Variants in HERC1 observed in about 807,000 individuals in gnomAD.
The protein encoded by HERC1 is HECT and RLD domain containing E3 ubiquitin protein ligase family member 1, also known as probable E3 ubiquitin-protein ligase HERC1.
HERC1 carries 160 observed loss-of-function variants against 554.3 expected under a neutral mutation model. That is an observed-to-expected ratio of 0.29 (90% CI 0.25 to 0.33). The LOEUF is 0.33. HERC1 is among the 10% of genes least tolerant of loss of function. The pLI, the probability that HERC1 is intolerant of heterozygous loss-of-function variation, is 1.00. For synonymous variants in HERC1, 2,175 were observed against 2,131.7 expected (o/e 1.02, Z -0.56); for missense variants, 4,919 against 5,918.5 (o/e 0.83, Z 5.54).
Position 63,694,866 on chromosome 15 carries a change from A to T in HERC1, c.5150T>A (p.Ile1717Asn). 6.2e-7 allele frequency: 1 copy of T among 1,613,796 alleles called. No homozygotes were observed. Among genetic ancestry groups the T allele is most frequent in the Non-Finnish European group, 8.5e-7 (1 of 1,179,754 alleles). The change falls in exon 28 of 78, where the codon ATT becomes AAT. Residue 1717 changes from isoleucine to asparagine, a missense_variant. By Grantham distance (149) the Ile-to-Asn change is moderately radical. Around this residue, in one of 11 missense-constraint regions of HERC1, gnomAD observed 1,121 missense variants for 1,244.0 expected, o/e 0.90. Transcript: ENST00000443617. This position sits in a 1 kb window ranked among gnomAD's most constrained non-coding sequence, Gnocchi z 4.3. ...CACAGCTACCTGGATTTCAATCTGA[A>T]TATTTCTCTTAGCTGCTCTGATCCC... ...QDGIRAAKRN[I>N]QIEIQVAVHK...
chr15:63,625,165 T>G (rs1434207671), intron 71 of HERC1, among the ~76,000 whole-genome samples: 1 of 152,190 alleles, frequency 6.6e-6, no homozygotes, highest in South Asian at 2.1e-4. Flanking sequence ...CTAGCCACTT[T>G]GTTACTGGAC....
intron 12 of HERC1, among the ~76,000 whole-genome samples, chr15:63,746,418 T>C (rs2075057291): frequency 6.6e-6 from 1 of 152,190 alleles, no homozygotes; most frequent in Non-Finnish European, 1.5e-5. Flanking sequence ...AACATTGTAT[T>C]ATAATACTAA....
intron 12 of HERC1, among the ~76,000 whole-genome samples, chr15:63,740,603 G>T (rs950356008): frequency 6.6e-6 from 1 of 152,166 alleles, no homozygotes; most frequent in Non-Finnish European, 1.5e-5. Flanking sequence ...CAGCCTTTTT[G>T]ATTACTGTCA....
intron 11 of HERC1, among the ~76,000 whole-genome samples, chr15:63,747,328 C>T (rs963885748): frequency 1.1e-4 from 17 of 152,040 alleles, no homozygotes; most frequent in African/African-American, 3.9e-4. Context: ...GGCATGATGG[C>T]GGGTGCCTGT....
intron 50 of HERC1, 25 bp from the exon 51 acceptor site, chr15:63,654,349 G>A (rs1164920681): frequency 1.9e-6 from 3 of 1,576,140 alleles, no homozygotes; most frequent in East Asian, 4.5e-5. Context: ...TCATAGGAAG[G>A]ATGGGCATAC....
chr15:63,731,428 T>C (rs2074286930), intron 14 of HERC1, among the ~76,000 whole-genome samples: 1 of 152,222 alleles, frequency 6.6e-6, no homozygotes, highest in African/African-American at 2.4e-5. Context: ...CCATATAATA[T>C]ATAAATCTGC....
chr15:63,678,508 A>G (rs994278238), intron 36 of HERC1, 143 bp from the exon 37 acceptor site: 5 of 971,008 alleles, frequency 5.1e-6, no homozygotes, highest in Non-Finnish European at 7.3e-6. Context: ...GCCCCCAAAG[A>G]GTAAGGAAAT....
intron 1 of HERC1, among the ~76,000 whole-genome samples, chr15:63,821,726 C>CAAAAAAAAAAAAAAAAA (rs35074987): frequency 1.1e-4 from 7 of 62,470 alleles, no homozygotes; most frequent in East Asian, 6.4e-4. Context: ...TACCCTGTCT[C>CAAAAAAAAAAAAAAAAA]AAAAAAAAAA....
chr15:63,654,461 T>C (rs929782659), intron 50 of HERC1, 137 bp from the exon 51 acceptor site: 10 of 622,908 alleles, frequency 1.6e-5, no homozygotes, highest in South Asian at 7.9e-5. Context: ...CTTTTAAGAA[T>C]TGGCACTTTT....
chr15:63,684,836 T>A (rs766527881), intron 34 of HERC1, among the ~76,000 whole-genome samples: 7 of 152,016 alleles, frequency 4.6e-5, no homozygotes, highest in Non-Finnish European at 8.8e-5. Flanking sequence ...GGCAAAACCC[T>A]ATCTCTACTA....
chr15:63,805,957 AAAAC>A (rs2077125176), intron 1 of HERC1, among the ~76,000 whole-genome samples: 1 of 151,722 alleles, frequency 6.6e-6, no homozygotes, highest in African/African-American at 2.4e-5. Flanking sequence ...CAAAAAAAAA[AAAAC>A]AAACAAAACC....
intron 60 of HERC1, among the ~76,000 whole-genome samples, chr15:63,641,067 A>G (rs561333214): frequency 2.8e-4 from 42 of 152,312 alleles, no homozygotes; most frequent in African/African-American, 4.8e-4. Context: ...GATTTATCTA[A>G]TAAGTGGAGA....
chr15:63,678,196 C>T lies in HERC1; in HGVS notation c.6719G>A (p.Arg2240Lys). 2 of 1,613,870 alleles carry T rather than the reference C, an allele frequency of 1.2e-6. No individual in the cohort carries two copies. The highest frequency in any genetic ancestry group is 1.7e-6 in the Non-Finnish European group (2 of 1,179,862). ...AATACATATCTTAATTTTGTGAAGC[C>T]TTTCCATCATTTTTTTGTTAATGCA... Reference protein sequence around the residue: ...TYCINKKMMERLHKIKICIKE... With the variant: ...TYCINKKMMEKLHKIKICIKE... Residue 2240 changes from arginine (R) to lysine (K), a missense_variant, in exon 37 of 78, where the codon AGG becomes AAG. Around this residue, in one of 11 missense-constraint regions of HERC1, gnomAD observed 1,963 missense variants for 2,228.6 expected, o/e 0.88. Transcript: ENST00000443617.
intron 24 of HERC1, among the ~76,000 whole-genome samples, chr15:63,711,217 C>T (rs186485028): frequency 1.1e-4 from 17 of 152,036 alleles, no homozygotes; most frequent in Non-Finnish European, 1.5e-4. Context: ...CTCAGCTACT[C>T]GGGAGGCTGA....
At chr15:63,658,445 CT>C in intron 48 of HERC1, 98 bp downstream of exon 48, 1 of 1,007,012 alleles carries the variant, frequency 9.9e-7, no homozygotes, top group Non-Finnish European at 1.4e-6. Flanking sequence ...CATATTCAAG[CT>C]TCTAAAATTC....
intron 34 of HERC1, among the ~76,000 whole-genome samples, chr15:63,684,915 A>T (rs1349160898): frequency 6.6e-6 from 1 of 152,226 alleles, no homozygotes; most frequent in Non-Finnish European, 1.5e-5. Context: ...AGGCTGAGGC[A>T]GGAGAATCGC....
Position 63,662,019 on chromosome 15 carries a change from A to C in HERC1, c.8904T>G (p.His2968Gln). 6.2e-7 allele frequency: 1 copy of C among 1,609,700 alleles called. No homozygotes were observed. The highest frequency in any genetic ancestry group is 8.5e-7 in the Non-Finnish European group (1 of 1,176,122). ...IPEVLDWPTW[H>Q]VCESEDREEV... ...CTTCCCTGTCTTCAGACTCACAAAC[A>C]TGCTGCACAAAAGGATTTCATACCA... Residue 2968 changes from histidine (H) to glutamine (Q), a missense_variant and splice_region_variant, in exon 45 of 78, where the codon CAT becomes CAG. His to Gln is a conservative substitution (Grantham distance 24). Coordinates refer to ENST00000443617, the MANE Select transcript of HERC1 (RefSeq NM_003922.4).
intron 3 of HERC1, 104 bp downstream of exon 3, chr15:63,763,992 T>C: frequency 2.4e-6 from 1 of 424,808 alleles, no homozygotes; most frequent in Non-Finnish European, 4.0e-6. Context: ...TGCCACTTCC[T>C]TTTGTAGCTT....
chr15:63,724,720 G>A (rs2073968837), intron 18 of HERC1, among the ~76,000 whole-genome samples: 1 of 152,138 alleles, frequency 6.6e-6, no homozygotes, highest in African/African-American at 2.4e-5. Flanking sequence ...AAAACAACTG[G>A]ATTATCTGGG....
Sources: allele counts gnomAD v4.1 joint callset (sites outside exome capture counted in the v4.1 genomes callset), GRCh38; gene constraint gnomAD v4.1.1; regional missense constraint gnomAD v4.1.1; non-coding constraint Gnocchi (gnomAD v3.1); transcripts MANE v1.5; gene names NCBI Gene and HGNC (gene_info 2026-07-23, HGNC 2026-07-21).